The following LRP2 variants were observed in gnomAD, a reference collection of about 807,000 sequenced individuals.
LRP2 encodes LDL receptor related protein 2.
LRP2 carries 172 observed loss-of-function variants against 531.0 expected under a neutral mutation model. The observed-to-expected ratio is 0.32, with a 90% confidence interval of 0.29 to 0.37. The LOEUF (loss-of-function observed/expected upper bound fraction) is 0.37, where lower values mean the gene tolerates loss of function less well. LRP2 is among the 10% of genes least tolerant of loss of function. The pLI is 1.00. For synonymous variants in LRP2, 1,992 were observed against 2,027.6 expected (o/e 0.98, Z 0.47); for missense variants, 5,167 against 5,868.3 (o/e 0.88, Z 3.90).
chr2:169,298,818 A>T (rs1202722893), intron 4 of LRP2, among the ~76,000 whole-genome samples: 1 of 151,840 alleles, frequency 6.6e-6, no homozygotes, highest in Non-Finnish European at 1.5e-5. Context: ...AGTCAATACC[A>T]AAAAACAGGC....
intron 1 of LRP2, among the ~76,000 whole-genome samples, chr2:169,324,327 C>T (rs915248457): frequency 6.6e-6 from 1 of 151,906 alleles, no homozygotes; most frequent in Non-Finnish European, 1.5e-5. Context: ...AAGTTTATTC[C>T]ACTAAACTCA....
chr2:169,208,068 A>C (rs1016273142), intron 38 of LRP2, among the ~76,000 whole-genome samples: 1 of 152,194 alleles, frequency 6.6e-6, no homozygotes, highest in Non-Finnish European at 1.5e-5. Flanking sequence ...GCTCATTTCC[A>C]ATCCTTTAAT....
chr2:169,357,346 T>TTTA, intron 1 of LRP2, among the ~76,000 whole-genome samples: 1 of 142,088 alleles, frequency 7.0e-6, no homozygotes, highest in Admixed American at 7.1e-5. Context: ...TTTATTTTAT[T>TTTA]TTTGAGACAG....
chr2:169,344,886 C>T lies in LRP2; in HGVS notation c.79+17435G>A, dbSNP rs192087335. Among the ~76,000 whole-genome samples the T allele has an allele frequency of 1.7e-3, 258 of 152,220 alleles. 1 individual carries two copies. Among genetic ancestry groups the T allele is most frequent in the African/African-American group, 5.9e-3 (246 of 41,534 alleles). Reference sequence around the variant, plus strand: ...TTAAAAGTTTCCCTGGTGTGCTCCTCTCAAACTAAAACTGGCTTATGATTA... The same window carrying T: ...TTAAAAGTTTCCCTGGTGTGCTCCTTTCAAACTAAAACTGGCTTATGATTA... On this transcript the variant is annotated intron_variant, in intron 1 of 78. Transcript: ENST00000649046.
At chr2:169,188,984 A>C (rs1687736361) in intron 48 of LRP2, among the ~76,000 whole-genome samples, 1 of 152,212 alleles carries the variant, frequency 6.6e-6, no homozygotes. Context: ...GGAAGAAGGC[A>C]TGCTGTAGTA....
chr2:169,226,236 T>C (rs1225239346), intron 32 of LRP2, among the ~76,000 whole-genome samples, 186 bp downstream of exon 32: 1 of 152,200 alleles, frequency 6.6e-6, no homozygotes, highest in East Asian at 1.9e-4. Context: ...TAAAGAGTGT[T>C]ATGATTTTTG....
At position 169,166,423 on chromosome 2, in the gene LRP2, G is replaced by A. The variant is rs373064993; in HGVS notation, c.11636-369C>T. Among the ~76,000 whole-genome samples the A allele has an allele frequency of 1.3e-4, 20 of 152,280 alleles. No individual in the cohort carries two copies. In the East Asian group the frequency reaches 3.5e-3, roughly 26 times the overall value. ...CCCATAGATTCTGAGTCAGAGAGGA[G>A]GATGGCAGGTCTCTGGACCTGAATA... On this transcript the variant is annotated intron_variant, in intron 61 of 78. Transcript: ENST00000649046.
chr2:169,201,196 A>T (rs1219974905), intron 44 of LRP2, among the ~76,000 whole-genome samples: 1 of 152,252 alleles, frequency 6.6e-6, no homozygotes, highest in Non-Finnish European at 1.5e-5. Flanking sequence ...TTGTGGCATA[A>T]AAGAGATTGA....
chr2:169,221,593 T>C (rs932421875), intron 33 of LRP2, among the ~76,000 whole-genome samples: 1 of 152,190 alleles, frequency 6.6e-6, no homozygotes, highest in Non-Finnish European at 1.5e-5. Flanking sequence ...TGCATTAAGG[T>C]TTTTCTATAA....
At chr2:169,136,132 C>A (rs12373565) in intron 76 of LRP2, among the ~76,000 whole-genome samples, 3 of 151,964 alleles carry the variant, frequency 2.0e-5, no homozygotes, top group Non-Finnish European at 4.4e-5. Flanking sequence ...CATACAAAAC[C>A]GTATCCAGGC....
At chr2:169,160,205 G>A (rs919286840) in intron 63 of LRP2, among the ~76,000 whole-genome samples, 1 of 152,052 alleles carries the variant, frequency 6.6e-6, no homozygotes, top group Non-Finnish European at 1.5e-5. Context: ...ATACCTGAAT[G>A]GTGCTAGAAA....
intron 34 of LRP2, among the ~76,000 whole-genome samples, chr2:169,217,966 C>T (rs565009208): frequency 6.6e-6 from 1 of 152,262 alleles, no homozygotes; most frequent in South Asian, 2.1e-4. Flanking sequence ...TCCTCATCCT[C>T]CTTCCATTCT....
chr2:169,275,914 G>T (rs988159054), intron 13 of LRP2, among the ~76,000 whole-genome samples: 1 of 152,006 alleles, frequency 6.6e-6, no homozygotes, highest in African/African-American at 2.4e-5. Context: ...AACGCCCCCC[G>T]TGACTATGTC....
intron 12 of LRP2, 121 bp from the exon 13 acceptor site, chr2:169,278,072 T>TA: frequency 1.3e-6 from 1 of 771,444 alleles, no homozygotes; most frequent in Non-Finnish European, 2.2e-6. Flanking sequence ...AACCACAGTA[T>TA]AAAACAACAG....
At chr2:169,158,387 T>C (rs1293761295) in intron 63 of LRP2, among the ~76,000 whole-genome samples, 1 of 152,040 alleles carries the variant, frequency 6.6e-6, no homozygotes, top group Admixed American at 6.6e-5. Flanking sequence ...TGTTCAGTGA[T>C]AGGGAATAAA....
intron 3 of LRP2, among the ~76,000 whole-genome samples, chr2:169,313,499 A>G (rs750023032): frequency 9.8e-5 from 15 of 152,302 alleles, no homozygotes; most frequent in East Asian, 1.9e-4. Context: ...TTGCCTGGGT[A>G]TCATCAGTGG....
At chr2:169,141,810 C>A (rs1387206330) in intron 71 of LRP2, among the ~76,000 whole-genome samples, 3 of 152,238 alleles carry the variant, frequency 2.0e-5, no homozygotes, top group African/African-American at 7.2e-5. Context: ...AATATTTCCC[C>A]AGTAGCGTTG....
intron 4 of LRP2, among the ~76,000 whole-genome samples, chr2:169,305,955 C>CT (rs1222498025): frequency 6.6e-6 from 1 of 151,978 alleles, no homozygotes; most frequent in Non-Finnish European, 1.5e-5. Flanking sequence ...ACTGTTTACC[C>CT]TAGGTGTGCA....
chr2:169,284,743 C>T (rs757918839), intron 9 of LRP2, among the ~76,000 whole-genome samples: 2 of 152,130 alleles, frequency 1.3e-5, no homozygotes, highest in African/African-American at 2.4e-5. Context: ...CTGATGAATC[C>T]CTTCTGTCCC....
Sources: allele counts gnomAD v4.1 joint callset (sites outside exome capture counted in the v4.1 genomes callset), GRCh38; gene constraint gnomAD v4.1.1; transcripts MANE v1.5; gene names NCBI Gene and HGNC (gene_info 2026-07-23, HGNC 2026-07-21).